The following CNTNAP2 variants were observed in gnomAD, a reference collection of about 807,000 sequenced individuals.
CNTNAP2 encodes contactin-associated protein-like 2.
CNTNAP2 carries 98 observed loss-of-function variants against 155.2 expected under a neutral mutation model. The ratio of observed to expected loss-of-function variants is 0.63; its 90% CI spans 0.54 to 0.75. The LOEUF is 0.75. CNTNAP2 is among the 30% of genes least tolerant of loss of function. The pLI is 0.00. For synonymous variants in CNTNAP2, 651 were observed against 631.2 expected (o/e 1.03, Z -0.47); for missense variants, 1,727 against 1,688.1 (o/e 1.02, Z -0.40).
chr7:148,016,390 C>T (rs771727956), intron 15 of CNTNAP2, among the ~76,000 whole-genome samples: 1 of 152,190 alleles, frequency 6.6e-6, no homozygotes, highest in Non-Finnish European at 1.5e-5. Context: ...CTACTGTGGC[C>T]GCTGTCACTC....
intron 1 of CNTNAP2, among the ~76,000 whole-genome samples, chr7:146,486,939 C>T (rs528747426): frequency 6.6e-6 from 1 of 152,152 alleles, no homozygotes; most frequent in South Asian, 2.1e-4. Flanking sequence ...TGTACTGTAA[C>T]TTCACTCTGT....
chr7:147,341,135 T>TG (rs34266549), intron 9 of CNTNAP2, among the ~76,000 whole-genome samples: 58,957 of 150,986 alleles, frequency 0.39, 11,842 homozygotes, highest in South Asian at 0.49. Flanking sequence ...CTCTAGTTTC[T>TG]GGGGAGAATA....
intron 3 of CNTNAP2, among the ~76,000 whole-genome samples, chr7:146,884,436 C>G (rs1247004647): frequency 6.6e-6 from 1 of 152,004 alleles, no homozygotes; most frequent in Non-Finnish European, 1.5e-5. Flanking sequence ...GCTGTTACTA[C>G]TATACAGCTC....
At chr7:147,403,274 G>A (rs577235882) in intron 10 of CNTNAP2, among the ~76,000 whole-genome samples, 1 of 152,204 alleles carries the variant, frequency 6.6e-6, no homozygotes, top group East Asian at 1.9e-4. Context: ...TTTCCAGATG[G>A]AACCAACATA....
intron 1 of CNTNAP2, among the ~76,000 whole-genome samples, chr7:146,636,978 C>T (rs1172289434): frequency 3.3e-5 from 5 of 152,264 alleles, no homozygotes; most frequent in South Asian, 4.1e-4. Flanking sequence ...ATTGGACACA[C>T]GCATATAAAT....
At chr7:147,975,768 C>T (rs961449483) in intron 14 of CNTNAP2, among the ~76,000 whole-genome samples, 4 of 152,162 alleles carry the variant, frequency 2.6e-5, no homozygotes, top group Non-Finnish European at 4.4e-5. Flanking sequence ...TTTTTGCCCC[C>T]TCTTTGGTCC....
chr7:148,215,369 G>A (rs1285491574), intron 18 of CNTNAP2, among the ~76,000 whole-genome samples: 1 of 152,136 alleles, frequency 6.6e-6, no homozygotes, highest in African/African-American at 2.4e-5. Flanking sequence ...GCAAATTCAG[G>A]GCAGTTGTTC....
At chr7:147,152,817 C>A (rs1266592314) in intron 8 of CNTNAP2, among the ~76,000 whole-genome samples, 1 of 151,994 alleles carries the variant, frequency 6.6e-6, no homozygotes, top group Non-Finnish European at 1.5e-5. Flanking sequence ...TCAGAGTATT[C>A]ACTGTATTAT....
intron 3 of CNTNAP2, among the ~76,000 whole-genome samples, chr7:146,923,672 G>A (rs111986410): frequency 3.3e-5 from 5 of 152,046 alleles, no homozygotes; most frequent in Non-Finnish European, 5.9e-5. Context: ...TTTGTTGTCC[G>A]CTACTCCTGG....
rs777204621 is a variant in CNTNAP2, at chr7:147,977,817, T to C, written c.2256-45T>C. The C allele has an allele frequency of 3.1e-6, 5 of 1,613,172 alleles. No homozygotes were observed. In the African/African-American group the frequency reaches 5.3e-5, roughly 17 times the overall value. On this transcript the variant is annotated intron_variant, in intron 14 of 23. Coordinates refer to ENST00000361727, the MANE Select transcript of CNTNAP2 (RefSeq NM_014141.6). ...GCAACTAGCAGAAAATTCATATGTC[T>C]AATGCAGCCTCCTCATTCTTTTTCT...
chr7:147,408,998 C>T lies in CNTNAP2; in HGVS notation c.1670+13218C>T, dbSNP rs376274301. On this transcript the variant is annotated intron_variant, in intron 10 of 23. Coordinates refer to ENST00000361727, the MANE Select transcript of CNTNAP2 (RefSeq NM_014141.6). ...GAGAGGGCTCATTAGATGTGGAAAC[C>T]GGAAAAGGTATTGGCTAGAAAGAGA... 2.6e-5 allele frequency among the ~76,000 whole-genome samples: 4 copies of T among 151,996 alleles called. No homozygotes were observed. In the South Asian group the frequency reaches 8.3e-4, roughly 31 times the overall value.
At chr7:147,965,263 C>A (rs764088807) in intron 14 of CNTNAP2, among the ~76,000 whole-genome samples, 1 of 152,112 alleles carries the variant, frequency 6.6e-6, no homozygotes, top group Admixed American at 6.5e-5. Context: ...TTACTGCCAA[C>A]CTTGGAAAGC....
chr7:146,564,814 T>C (rs1158950669), intron 1 of CNTNAP2, among the ~76,000 whole-genome samples: 1 of 151,886 alleles, frequency 6.6e-6, no homozygotes, highest in East Asian at 1.9e-4. Context: ...TTTATAGTAC[T>C]TAGTAGTTTA....
intron 14 of CNTNAP2, among the ~76,000 whole-genome samples, chr7:147,975,728 A>G (rs1191864224): frequency 6.6e-6 from 1 of 151,410 alleles, no homozygotes; most frequent in East Asian, 1.9e-4. Context: ...GTCCTCTTGC[A>G]TGTTTCTTTG....
Position 148,415,745 on chromosome 7 carries a change from A to G in CNTNAP2, c.*129A>G. ...TCAGCACAAGTTGGGGGAGGCAGGCAATGGAATATAATGGAATATTCTTGA... is the reference window on the plus strand; with the variant it reads ...TCAGCACAAGTTGGGGGAGGCAGGCGATGGAATATAATGGAATATTCTTGA... On this transcript the variant is annotated 3_prime_UTR_variant, in exon 24 of 24. Coordinates refer to ENST00000361727, the MANE Select transcript of CNTNAP2 (RefSeq NM_014141.6). 1.1e-6 allele frequency: 1 copy of G among 901,214 alleles called. No individual in the cohort carries two copies. The highest frequency in any genetic ancestry group is 1.7e-6 in the Non-Finnish European group (1 of 575,350). 55.8% of individuals were successfully genotyped at this position (901,214 alleles called of 1,614,324 possible).
intron 20 of CNTNAP2, among the ~76,000 whole-genome samples, chr7:148,264,483 C>T (rs1370443851): frequency 6.6e-6 from 1 of 151,998 alleles, no homozygotes; most frequent in South Asian, 2.1e-4. Flanking sequence ...AATATATCAT[C>T]AAGTTAAAAA....
intron 8 of CNTNAP2, chr7:147,161,893 T>C (rs1802032791): frequency 1.3e-5 from 2 of 152,200 alleles, no homozygotes; most frequent in South Asian, 4.1e-4. Context: ...TGACCTCCTT[T>C]CTGTTCCAGA....
At chr7:146,476,546 T>C (rs980190334) in intron 1 of CNTNAP2, among the ~76,000 whole-genome samples, 1 of 152,208 alleles carries the variant, frequency 6.6e-6, no homozygotes, top group African/African-American at 2.4e-5. Context: ...CATTTTGTGC[T>C]ATGAATTGAA....
rs534716383 is a variant in CNTNAP2, at chr7:146,888,274, G to A, written c.402+48370G>A. ...TGATGATATCTGAATAGTAGAACTC[G>A]TGTGGAAATTTTCTCAATTTTATAA... On this transcript the variant is annotated intron_variant, in intron 3 of 23. Coordinates refer to ENST00000361727, the MANE Select transcript of CNTNAP2 (RefSeq NM_014141.6). 3.3e-5 allele frequency among the ~76,000 whole-genome samples: 5 copies of A among 152,098 alleles called. No individual in the cohort carries two copies. The South Asian group carries it at 8.3e-4, about 25-fold the overall frequency.
Sources: allele counts gnomAD v4.1 joint callset (sites outside exome capture counted in the v4.1 genomes callset), GRCh38; gene constraint gnomAD v4.1.1; transcripts MANE v1.5; gene names NCBI Gene and HGNC (gene_info 2026-07-23, HGNC 2026-07-21).